Variants in IFT43 observed in about 807,000 individuals in gnomAD.
The protein encoded by IFT43 is intraflagellar transport 43, also known as intraflagellar transport protein 43 homolog.
Under a neutral mutation model 32.3 loss-of-function variants are expected in IFT43, and 33 were observed. The observed-to-expected ratio is 1.02, with a 90% CI of 0.77 to 1.37. IFT43 has a LOEUF of 1.37. IFT43 is among the 40% of genes most tolerant of loss of function. The probability of loss-of-function intolerance (pLI) is 0.00; values close to 1 mark genes in which losing one functional copy is unlikely to be tolerated. For missense variants in IFT43, 274 were observed against 265.9 expected, an observed-to-expected ratio of 1.03 and a Z score of -0.21; for synonymous variants, 93 against 98.2, an observed-to-expected ratio of 0.95 and a Z score of 0.31.
At chr14:76,048,890 A>G (rs10138817) in intron 3 of IFT43, among the ~76,000 whole-genome samples, 127,739 of 152,116 alleles carry the variant, frequency 0.84, 53,764 homozygotes, top group Non-Finnish European at 0.87. Context: ...CTCGCATGCC[A>G]GCAACCAGAA....
At chr14:75,986,944 T>G (rs1478311646) in intron 1 of IFT43, among the ~76,000 whole-genome samples, 1 of 152,204 alleles carries the variant, frequency 6.6e-6, no homozygotes, top group Non-Finnish European at 1.5e-5. Flanking sequence ...TCCTAGGTGC[T>G]GGAGATACAG....
At chr14:76,048,114 G>A (rs778433396) in intron 3 of IFT43, among the ~76,000 whole-genome samples, 4 of 152,144 alleles carry the variant, frequency 2.6e-5, no homozygotes, top group Admixed American at 1.3e-4. Flanking sequence ...TGTGCCTCTC[G>A]TTCTGCAGCC....
intron 5 of IFT43, among the ~76,000 whole-genome samples, chr14:76,062,306 G>T (rs956362175): frequency 9.2e-5 from 14 of 151,898 alleles, no homozygotes; most frequent in Non-Finnish European, 1.5e-4. Context: ...TCCTGACTTC[G>T]TGATCCGCCT....
At chr14:76,064,578 G>T (rs11621363) in intron 5 of IFT43, among the ~76,000 whole-genome samples, 51,279 of 151,980 alleles carry the variant, frequency 0.34, 8,699 homozygotes, top group African/African-American at 0.36. Context: ...AGGCTGGTTA[G>T]TTGTAGTGTG....
At chr14:76,068,481 G>A (rs556661668) in intron 5 of IFT43, among the ~76,000 whole-genome samples, 5 of 152,316 alleles carry the variant, frequency 3.3e-5, no homozygotes, top group African/African-American at 1.2e-4. Context: ...AACTATAGCT[G>A]ACACAATGCT....
chr14:75,991,433 G>GTATGTATA (rs1566694447), intron 2 of IFT43, among the ~76,000 whole-genome samples: 2 of 147,310 alleles, frequency 1.4e-5, no homozygotes, highest in Non-Finnish European at 3.0e-5. Flanking sequence ...GTGTATGTAT[G>GTATGTATA]TATATATATT....
chr14:75,988,915 G>A lies in IFT43; in HGVS notation c.85G>A (p.Glu29Lys). The A allele has an allele frequency of 6.2e-7, 1 of 1,614,026 alleles. No homozygotes were observed. Among genetic ancestry groups the A allele is most frequent in the African/African-American group, 1.3e-5 (1 of 75,036 alleles). Reference protein sequence around the residue: ...RAKMGRRAQQESAQAENHLNG... With the variant: ...RAKMGRRAQQKSAQAENHLNG... ...CAAGATGGGTCGCCGAGCTCAACAG[G>A]AGTCAGCGCAGGCCGAGAATCACCT... The change falls in exon 2 of 9, where the codon GAG (glutamate) becomes AAG (lysine). Residue 29 changes from glutamate to lysine, a missense_variant. Glu to Lys is a moderately conservative substitution (Grantham distance 56). Transcript: ENST00000314067.
chr14:76,027,543 A>G (rs2036425416), intron 3 of IFT43, among the ~76,000 whole-genome samples: 1 of 152,172 alleles, frequency 6.6e-6, no homozygotes, highest in South Asian at 2.1e-4. Flanking sequence ...CCCCGTCTCT[A>G]CTAAAAATGC....
chr14:75,997,560 T>C (rs776417543), intron 2 of IFT43, among the ~76,000 whole-genome samples: 7 of 152,226 alleles, frequency 4.6e-5, no homozygotes, highest in Non-Finnish European at 7.3e-5. Flanking sequence ...GGAATTTGGT[T>C]TGACTCCTTT....
intron 3 of IFT43, among the ~76,000 whole-genome samples, chr14:76,034,326 T>C (rs1454749224): frequency 2.0e-5 from 3 of 152,112 alleles, no homozygotes; most frequent in Admixed American, 2.0e-4. Context: ...GGAGTGAGAT[T>C]TTATGTCTCT....
rs563742629 is a variant in IFT43 at position 76,062,365 on chromosome 14, C to T, written c.295+2992C>T. On this transcript the variant is annotated intron_variant, in intron 5 of 8. Coordinates refer to ENST00000314067, the MANE Select transcript of IFT43 (RefSeq NM_001102564.3). ...GATTACAGGTGTGAGCCACCGCGCCCGGCCTGTTTTTCTGCTTCTTTACAT... is the reference window on the plus strand; with the variant it reads ...GATTACAGGTGTGAGCCACCGCGCCTGGCCTGTTTTTCTGCTTCTTTACAT... Among the ~76,000 whole-genome samples, 574 of 152,028 alleles carry T rather than the reference C, an allele frequency of 3.8e-3. 1 individual carries two copies. The highest frequency in any genetic ancestry group is 0.011 in the African/African-American group (459 of 41,474).
chr14:76,016,467 T>C (rs2036190471), intron 2 of IFT43, among the ~76,000 whole-genome samples: 1 of 152,210 alleles, frequency 6.6e-6, no homozygotes, highest in Non-Finnish European at 1.5e-5. Flanking sequence ...TGTAGTATTA[T>C]ATATTTTGAA....
intron 4 of IFT43, 21 bp downstream of exon 4, chr14:76,058,695 T>C: frequency 6.2e-7 from 1 of 1,612,098 alleles, no homozygotes; most frequent in Non-Finnish European, 8.5e-7. Flanking sequence ...AGTATTCTTA[T>C]TCTTATGGTA....
At chr14:76,012,135 G>A (rs1483732742) in intron 2 of IFT43, among the ~76,000 whole-genome samples, 1 of 152,176 alleles carries the variant, frequency 6.6e-6, no homozygotes. Context: ...GCATGTATTT[G>A]GACTGGCTTT....
intron 3 of IFT43, among the ~76,000 whole-genome samples, chr14:76,053,295 A>C (rs949150314): frequency 6.6e-6 from 1 of 152,068 alleles, no homozygotes; most frequent in African/African-American, 2.4e-5. Flanking sequence ...GACAGCACAA[A>C]GGAAGGGTGG....
intron 3 of IFT43, among the ~76,000 whole-genome samples, chr14:76,048,698 C>T (rs1257936990): frequency 6.6e-6 from 1 of 152,152 alleles, no homozygotes; most frequent in Non-Finnish European, 1.5e-5. Context: ...CCCATGCTGC[C>T]CCCACCAGAG....
At chr14:76,072,040 C>T (rs928840474) in intron 5 of IFT43, among the ~76,000 whole-genome samples, 1 of 152,210 alleles carries the variant, frequency 6.6e-6, no homozygotes. Flanking sequence ...AGTTCTGTTG[C>T]TCCTCTCATT....
intron 2 of IFT43, among the ~76,000 whole-genome samples, chr14:76,004,274 TG>T (rs1334415345): frequency 2.0e-5 from 3 of 152,128 alleles, no homozygotes; most frequent in African/African-American, 7.2e-5. Flanking sequence ...AATCTGAAAA[TG>T]TTTTGATTTC....
chr14:76,052,615 G>C (rs946285878), intron 3 of IFT43, among the ~76,000 whole-genome samples: 1 of 152,164 alleles, frequency 6.6e-6, no homozygotes, highest in Non-Finnish European at 1.5e-5. Flanking sequence ...TGTGCCACTG[G>C]GATCCAGCTT....
Sources: gnomAD v4.1 joint callset for allele counts (sites outside exome capture counted in the v4.1 genomes callset) on GRCh38, gnomAD v4.1.1 for gene constraint, MANE v1.5 for transcripts, NCBI Gene and HGNC (gene_info 2026-07-23, HGNC 2026-07-21) for gene names.